HDAC9: variants seen among roughly 807,000 people sequenced by gnomAD.
HDAC9 encodes MEF-2 interacting transcription repressor (MITR) protein.
In HDAC9, 41 loss-of-function variants were observed where a neutral mutation model predicts 139.4. The observed-to-expected ratio is 0.29, with a 90% CI of 0.23 to 0.38. HDAC9 has a LOEUF of 0.38. HDAC9 is among the 10% of genes least tolerant of loss of function. HDAC9 has a pLI of 1.00. For missense variants in HDAC9, 1,147 were observed against 1,297.0 expected (o/e 0.88, Z 1.78); for synonymous variants, 517 against 476.2 (o/e 1.09, Z -1.12).
chr7:18,488,332 G>A (rs1187821509), intron 1 of HDAC9, among the ~76,000 whole-genome samples: 1 of 151,954 alleles, frequency 6.6e-6, no homozygotes, highest in Non-Finnish European at 1.5e-5. Context: ...TAAAGGAAAA[G>A]CAAGGTTTTC....
At chr7:18,710,027 C>T (rs75017538) in intron 12 of HDAC9, among the ~76,000 whole-genome samples, 2,332 of 152,266 alleles carry the variant, frequency 0.015, 32 homozygotes, top group African/African-American at 0.041. Flanking sequence ...TAAAGTTCCA[C>T]GTGGCTGAAG....
chr7:18,807,759 A>G (rs1005411236), intron 17 of HDAC9, among the ~76,000 whole-genome samples: 7 of 152,048 alleles, frequency 4.6e-5, no homozygotes, highest in Non-Finnish European at 8.8e-5. Flanking sequence ...ATTGATTCCT[A>G]GTTTCATACT....
intron 25 of HDAC9, among the ~76,000 whole-genome samples, chr7:18,990,517 C>T (rs1178556592): frequency 1.3e-5 from 2 of 152,234 alleles, no homozygotes; most frequent in African/African-American, 2.4e-5. Flanking sequence ...CTGTGCCCTG[C>T]CCCCAGAGGT....
In HDAC9 at chr7:18,311,615, A is replaced by G. The variant is rs1386988538; in HGVS notation, c.-42+21100A>G. ...AATGAGTGGCAAATCCGCAGTTCAAACTTAGGTAGTCTGTCTCCAAAGCCC... is the reference window on the plus strand; with the variant it reads ...AATGAGTGGCAAATCCGCAGTTCAAGCTTAGGTAGTCTGTCTCCAAAGCCC... On this transcript the variant is annotated intron_variant, in intron 1 of 3. Transcript: ENST00000413509. Among the ~76,000 whole-genome samples, 5 of 152,264 alleles carry G rather than the reference A, an allele frequency of 3.3e-5. No individual in the cohort carries two copies. The South Asian group carries it at 6.2e-4, about 19-fold the overall frequency.
intron 22 of HDAC9, among the ~76,000 whole-genome samples, chr7:18,891,875 A>T (rs528830964): frequency 6.6e-5 from 10 of 152,328 alleles, no homozygotes; most frequent in Admixed American, 3.9e-4. Flanking sequence ...GAATGGATTC[A>T]TTCCCTCTGG....
At chr7:18,870,710 G>A (rs925854836) in intron 21 of HDAC9, among the ~76,000 whole-genome samples, 20 of 152,142 alleles carry the variant, frequency 1.3e-4, no homozygotes, top group Middle Eastern at 3.4e-3. Flanking sequence ...GTCTTGCTCC[G>A]TCACCTAGGC....
intron 1 of HDAC9, among the ~76,000 whole-genome samples, chr7:18,299,522 T>C (rs1798395850): frequency 6.6e-6 from 1 of 152,202 alleles, no homozygotes; most frequent in South Asian, 2.1e-4. Flanking sequence ...ATACAAATGG[T>C]GTTTTGGGTC....
rs1477952524 is a variant in HDAC9 at position 18,591,465 on chromosome 7, C to CTG, written c.416-43_416-42dup. On this transcript the variant is annotated intron_variant, in intron 4 of 25. Transcript: ENST00000686413. ...CAAAACTCACCATCAACATCTGTTT[C>CTG]TGTGTGTGTATGTGTGTGTGTGTGT... is the stretch of plus-strand genomic sequence containing the variant. The CTG allele has an allele frequency of 5.5e-4, 808 of 1,474,180 alleles. 5 individuals are homozygous for CTG. The African/African-American group carries it at 0.013, about 23-fold the overall frequency. 91.3% of individuals were successfully genotyped at this position (1,474,180 alleles called of 1,614,324 possible).
Position 18,264,950 on chromosome 7 carries a change from T to C in HDAC9, c.25+102601T>C, listed in dbSNP as rs80009276. Among the ~76,000 whole-genome samples the C allele has an allele frequency of 6.4e-3, 981 of 152,308 alleles. 15 individuals carry two copies. The highest frequency in any genetic ancestry group is 0.023 in the African/African-American group (947 of 41,576). On this transcript the variant is annotated intron_variant, in intron 2 of 12. Transcript: ENST00000417496. ...TTTTTATGGACTTTTTGTTTTATTA[T>C]AGGCTTTAGTGCCATTAAGGGAAAA... is the stretch of plus-strand genomic sequence containing the variant.
At chr7:18,220,787 C>G (rs530781028) in intron 2 of HDAC9, among the ~76,000 whole-genome samples, 3 of 152,160 alleles carry the variant, frequency 2.0e-5, no homozygotes, top group Non-Finnish European at 4.4e-5. Context: ...GGGTCTCTGT[C>G]GTAGCTCAGA....
chr7:18,338,558 T>G (rs1369984323), intron 1 of HDAC9, among the ~76,000 whole-genome samples: 3 of 151,660 alleles, frequency 2.0e-5, no homozygotes, highest in Admixed American at 6.6e-5. Flanking sequence ...TGAAAAGTCA[T>G]GTAGTTTTTG....
chr7:18,525,973 G>A (rs1381281439), intron 2 of HDAC9, among the ~76,000 whole-genome samples: 1 of 152,148 alleles, frequency 6.6e-6, no homozygotes, highest in African/African-American at 2.4e-5. Flanking sequence ...ATAATGTCTT[G>A]TGGCTTCCCC....
chr7:18,400,135 T>C (rs946102495), intron 1 of HDAC9, among the ~76,000 whole-genome samples: 1 of 152,140 alleles, frequency 6.6e-6, no homozygotes, highest in African/African-American at 2.4e-5. Flanking sequence ...CAACATTAGA[T>C]GGAAGAAGTA....
intron 15 of HDAC9, among the ~76,000 whole-genome samples, chr7:18,765,845 A>G (rs1315409406): frequency 6.6e-6 from 1 of 152,130 alleles, no homozygotes; most frequent in African/African-American, 2.4e-5. Flanking sequence ...CAGTTTTAAT[A>G]TTATTTTATG....
intron 1 of HDAC9, among the ~76,000 whole-genome samples, chr7:18,291,501 C>T (rs920947717): frequency 3.3e-5 from 5 of 152,046 alleles, no homozygotes; most frequent in Admixed American, 3.3e-4. Context: ...TTGCTGGGAA[C>T]ATAGAGTGCT....
intron 2 of HDAC9, among the ~76,000 whole-genome samples, chr7:18,195,286 A>AT (rs1790644766): frequency 6.6e-6 from 1 of 152,158 alleles, no homozygotes; most frequent in Admixed American, 6.6e-5. Flanking sequence ...AATTTATCAG[A>AT]TTTTAAAAAG....
intron 25 of HDAC9, among the ~76,000 whole-genome samples, chr7:18,981,360 T>C (rs1390455916): frequency 6.6e-6 from 1 of 152,230 alleles, no homozygotes; most frequent in African/African-American, 2.4e-5. Context: ...ATCACAAAGC[T>C]GCCTTGTACT....
In HDAC9 at chr7:18,551,813, GT is replaced by G. The variant is rs554755278; in HGVS notation, c.23-33463del. Among the ~76,000 whole-genome samples the G allele has an allele frequency of 1.1e-4, 16 of 152,330 alleles. No homozygotes were observed. The South Asian group carries it at 3.3e-3, about 32-fold the overall frequency. ...TTAAGAACTAGATTTGGTGTTAACAGTTTTTCTGTGGTGAGTCTGAATTTCC... is the reference window on the plus strand; with the variant it reads ...TTAAGAACTAGATTTGGTGTTAACAGTTTTCTGTGGTGAGTCTGAATTTCC... On this transcript the variant is annotated intron_variant, in intron 2 of 25. Coordinates refer to ENST00000686413, the MANE Select transcript of HDAC9 (RefSeq NM_178425.4).
Position 18,732,911 on chromosome 7 carries a change from A to G in HDAC9, c.1909+5154A>G, listed in dbSNP as rs576690664. ...TATGTGTACACACACACGTGTGCGTATGTGTATACACACGTGTGTATGTAT... is the reference window on the plus strand; with the variant it reads ...TATGTGTACACACACACGTGTGCGTGTGTGTATACACACGTGTGTATGTAT... On this transcript the variant is annotated intron_variant, in intron 13 of 25. Coordinates refer to ENST00000686413, the MANE Select transcript of HDAC9 (RefSeq NM_178425.4). Among the ~76,000 whole-genome samples, 9 of 86,814 alleles carry G rather than the reference A, an allele frequency of 1.0e-4. 2 individuals are homozygous for G. The highest frequency in any genetic ancestry group is 1.4e-4 in the Non-Finnish European group (6 of 41,468). 57.0% of individuals were successfully genotyped at this position (86,814 alleles called of 152,430 possible).
Sources: gnomAD v4.1 joint callset for allele counts (sites outside exome capture counted in the v4.1 genomes callset) on GRCh38, gnomAD v4.1.1 for gene constraint, MANE v1.5 for transcripts, NCBI Gene and HGNC (gene_info 2026-07-23, HGNC 2026-07-21) for gene names.